NEBL: variants seen among roughly 807,000 people sequenced by gnomAD.
NEBL encodes the protein nebulette.
Under a neutral mutation model 140.2 loss-of-function variants are expected in NEBL, and 122 were observed. That is an observed-to-expected ratio of 0.87 (90% CI 0.75 to 1.01). The LOEUF (loss-of-function observed/expected upper bound fraction) is 1.01. Ranked by LOEUF, NEBL falls within the 50% of genes least tolerant of loss-of-function variation. NEBL has a pLI of 0.00. For synonymous variants in NEBL, 436 were observed against 398.9 expected, an observed-to-expected ratio of 1.09 and a Z score of -1.11; for missense variants, 1,365 against 1,231.3, an observed-to-expected ratio of 1.11 and a Z score of -1.62.
At chr10:21,082,034 T>C (rs1836389341) in intron 2 of NEBL, among the ~76,000 whole-genome samples, 1 of 152,180 alleles carries the variant, frequency 6.6e-6, no homozygotes, top group African/African-American at 2.4e-5. Flanking sequence ...TGCCACCTGA[T>C]AGGATACCAT....
At chr10:21,264,975 T>A (rs1041811675) in intron 1 of NEBL, among the ~76,000 whole-genome samples, 4 of 152,018 alleles carry the variant, frequency 2.6e-5, no homozygotes, top group Non-Finnish European at 5.9e-5. Flanking sequence ...GAGTCTAGAG[T>A]GCAGTGGCAC....
rs1395706075 is a variant in NEBL, at chr10:20,835,584, T to A, written c.1378A>T (p.Lys460Ter). ...GTGTCAGTGCCAGCTTGCATTCCTT[T>A]CCCTTTAATTATTGACTCCAGGTCT... ...KKDLESIIKGKGMQAGTDTLE... is the reference protein window; with the variant it reads ...KKDLESIIKG The change falls in exon 14 of 28, where the codon AAA (lysine) becomes TAA (stop). Residue 460 changes from lysine to a stop codon, truncating the protein, a stop_gained. Coordinates refer to ENST00000377122, the MANE Select transcript of NEBL (RefSeq NM_006393.3). LOFTEE classifies it high-confidence loss of function. The A allele has an allele frequency of 3.1e-6, 5 of 1,612,350 alleles. No individual in the cohort carries two copies. Among genetic ancestry groups the A allele is most frequent in the Non-Finnish European group, 4.2e-6 (5 of 1,179,746 alleles).
chr10:21,182,076 G>A (rs1168339887), intron 3 of NEBL, among the ~76,000 whole-genome samples: 3 of 152,036 alleles, frequency 2.0e-5, no homozygotes, highest in African/African-American at 7.2e-5. Flanking sequence ...CAAAAATGGC[G>A]GAGGGCTAAG....
chr10:21,133,766 G>A (rs904182359), intron 2 of NEBL, among the ~76,000 whole-genome samples: 1 of 152,050 alleles, frequency 6.6e-6, no homozygotes, highest in Non-Finnish European at 1.5e-5. Flanking sequence ...TTGGTTGGGT[G>A]ATGTGGCTGT....
At chr10:21,222,645 T>A (rs1245142702) in intron 3 of NEBL, among the ~76,000 whole-genome samples, 1 of 152,234 alleles carries the variant, frequency 6.6e-6, no homozygotes, top group Non-Finnish European at 1.5e-5. Flanking sequence ...ATGGGGTACA[T>A]GAAATATTTT....
chr10:21,012,531 T>C (rs1175110553), intron 3 of NEBL, among the ~76,000 whole-genome samples: 2 of 151,786 alleles, frequency 1.3e-5, no homozygotes, highest in African/African-American at 4.9e-5. Context: ...AGCTTATTTA[T>C]TTTTATTTGT....
Position 20,860,561 on chromosome 10 carries a change from C to CAAAAAAAA in NEBL, c.685-736_685-735insTTTTTTTT, listed in dbSNP as rs879306514. 1.1e-3 allele frequency among the ~76,000 whole-genome samples: 69 copies of CAAAAAAAA among 61,796 alleles called. 13 individuals are homozygous for CAAAAAAAA. Among genetic ancestry groups the CAAAAAAAA allele is most frequent in the South Asian group, 1.5e-3 (2 of 1,308 alleles). 40.5% of individuals were successfully genotyped at this position (61,796 alleles called of 152,430 possible). The stretch of plus-strand genomic sequence containing the variant: ...TTAGAATATAAACACAAGTTCACTA[C>CAAAAAAAA]AAAAAGAAAAAAAAAAAAAAAAAAA... On this transcript the variant is annotated intron_variant, in intron 7 of 27. Coordinates refer to ENST00000377122, the MANE Select transcript of NEBL (RefSeq NM_006393.3).
chr10:20,888,260 A>T (rs1846709320), intron 3 of NEBL, 53 bp from the exon 4 acceptor site: 19 of 1,079,462 alleles, frequency 1.8e-5, no homozygotes, highest in East Asian at 5.0e-5. Context: ...CCATTTTTTT[A>T]AACTGTGATT....
intron 3 of NEBL, among the ~76,000 whole-genome samples, chr10:21,180,852 G>T (rs1400371627): frequency 6.6e-6 from 1 of 152,034 alleles, no homozygotes; most frequent in African/African-American, 2.4e-5. Flanking sequence ...CATCATAGGA[G>T]GCAAGAAAGG....
At chr10:21,155,238 T>C (rs183650004) in intron 2 of NEBL, among the ~76,000 whole-genome samples, 1 of 152,294 alleles carries the variant, frequency 6.6e-6, no homozygotes, top group African/African-American at 2.4e-5. Flanking sequence ...TCATGGAAAA[T>C]GGGGTATCCA....
At chr10:20,839,081 AC>A (rs977949167) in intron 13 of NEBL, among the ~76,000 whole-genome samples, 87 of 152,102 alleles carry the variant, frequency 5.7e-4, no homozygotes, top group African/African-American at 2.0e-3. Flanking sequence ...AGGATCAATG[AC>A]AGTGCATAGC....
exon 1 of NEBL, among the ~76,000 whole-genome samples, chr10:21,292,907 C>A: frequency 6.6e-6 from 1 of 152,150 alleles, no homozygotes; most frequent in Non-Finnish European, 1.5e-5. Context: ...TCCTCTCTAC[C>A]ACAAAGTACT....
intron 2 of NEBL, among the ~76,000 whole-genome samples, chr10:21,103,215 CTT>C (rs576823735): frequency 3.5e-4 from 49 of 140,142 alleles, no homozygotes; most frequent in East Asian, 2.7e-3. Flanking sequence ...TTTTCAACTC[CTT>C]TTTTTTTTTT....
At chr10:20,896,303 A>G (rs1296107380) in intron 2 of NEBL, among the ~76,000 whole-genome samples, 7 of 151,738 alleles carry the variant, frequency 4.6e-5, no homozygotes, top group Non-Finnish European at 8.8e-5. Context: ...ACATAAAATT[A>G]TATGTTCAAT....
rs1416582706 is a variant in NEBL, at chr10:20,781,270, A to C, written c.*4477T>G. 1 of 152,636 alleles carries C rather than the reference A, an allele frequency of 6.6e-6. No homozygotes were observed. The highest frequency in any genetic ancestry group is 1.9e-4 in the East Asian group (1 of 5,198). The allele number at this position is 152,636 out of a possible 1,614,324, so 9.5% of individuals were successfully genotyped here. ...AAGCCCCTTCATTTGCAAAACATTC[A>C]ATGTTTTCTTCAAAACTGTTACACT... On this transcript the variant is annotated 3_prime_UTR_variant, in exon 28 of 28. Transcript: ENST00000377122.
chr10:21,107,952 G>T (rs998168184), intron 2 of NEBL, among the ~76,000 whole-genome samples: 23 of 152,136 alleles, frequency 1.5e-4, no homozygotes, highest in African/African-American at 3.6e-4. Context: ...TAGTTTATTT[G>T]CATAGAGTTA....
At chr10:21,174,123 A>C in exon 1 of NEBL, 1 of 732,048 alleles carries the variant, frequency 1.4e-6, no homozygotes. Context: ...GGTGACTCAC[A>C]CAGTCACTCG....
At chr10:21,092,755 A>G (rs929914858) in intron 2 of NEBL, among the ~76,000 whole-genome samples, 9 of 152,212 alleles carry the variant, frequency 5.9e-5, no homozygotes, top group African/African-American at 1.9e-4. Context: ...ACTTTCATCA[A>G]ACCTGGGAAC....
intron 4 of NEBL, among the ~76,000 whole-genome samples, chr10:20,915,031 G>A (rs1032059903): frequency 7.3e-6 from 1 of 136,724 alleles, no homozygotes; most frequent in African/African-American, 2.7e-5. Context: ...TCAAACTCCT[G>A]ACCTCAGGTG....
Sources: gnomAD v4.1 joint callset for allele counts (sites outside exome capture counted in the v4.1 genomes callset) on GRCh38, gnomAD v4.1.1 for gene constraint, MANE v1.5 for transcripts, NCBI Gene and HGNC (gene_info 2026-07-23, HGNC 2026-07-21) for gene names.